The following GRM8 variants were observed in gnomAD, a reference collection of about 807,000 sequenced individuals.
GRM8 encodes the protein metabotropic glutamate receptor 8.
In GRM8, 47 loss-of-function variants were observed where a neutral mutation model predicts 87.2. That is an observed-to-expected ratio of 0.54 (90% CI 0.43 to 0.69). The LOEUF is 0.69. Ranked by LOEUF, GRM8 falls within the 30% of genes least tolerant of loss-of-function variation. GRM8 has a pLI of 0.00. For missense variants in GRM8, 1,019 were observed against 1,139.2 expected (o/e 0.89, Z 1.52); for synonymous variants, 396 against 404.5 (o/e 0.98, Z 0.25).
At chr7:126,574,538 T>G (rs1794949415) in intron 8 of GRM8, among the ~76,000 whole-genome samples, 1 of 152,196 alleles carries the variant, frequency 6.6e-6, no homozygotes, top group African/African-American at 2.4e-5. Context: ...TCCCACCTAT[T>G]ATACGGTCAG....
chr7:126,486,109 G>T (rs1489205651), intron 9 of GRM8, among the ~76,000 whole-genome samples: 1 of 151,844 alleles, frequency 6.6e-6, no homozygotes, highest in African/African-American at 2.4e-5. Context: ...CTGACCAGTT[G>T]AACCCCCCGT....
intron 3 of GRM8, among the ~76,000 whole-genome samples, chr7:126,951,361 G>A (rs1808135249): frequency 6.6e-6 from 1 of 151,982 alleles, no homozygotes; most frequent in South Asian, 2.1e-4. Context: ...ATACTGCCTT[G>A]GGTGCATCAT....
chr7:127,169,482 G>T (rs554162000), intron 2 of GRM8, among the ~76,000 whole-genome samples: 1 of 152,326 alleles, frequency 6.6e-6, no homozygotes, highest in African/African-American at 2.4e-5. Context: ...AGGGGAAGCA[G>T]CAAGGGCTGA....
chr7:127,055,493 G>T (rs548430543), intron 3 of GRM8, among the ~76,000 whole-genome samples: 2 of 152,236 alleles, frequency 1.3e-5, no homozygotes, highest in East Asian at 3.9e-4. Context: ...GTCACTAGTG[G>T]GAGCTTTGTC....
intron 2 of GRM8, among the ~76,000 whole-genome samples, chr7:127,152,318 C>A (rs1792437551): frequency 6.6e-6 from 1 of 151,922 alleles, no homozygotes; most frequent in Admixed American, 6.6e-5. Flanking sequence ...GCACTTGGCA[C>A]AATACAGAAA....
At chr7:126,829,624 A>G (rs1795160108) in intron 6 of GRM8, among the ~76,000 whole-genome samples, 1 of 151,916 alleles carries the variant, frequency 6.6e-6, no homozygotes, top group African/African-American at 2.4e-5. Context: ...TTTCCTGAAT[A>G]CAGCACACTG....
At chr7:127,097,720 T>C (rs1388931054) in intron 3 of GRM8, among the ~76,000 whole-genome samples, 1 of 152,188 alleles carries the variant, frequency 6.6e-6, no homozygotes. Flanking sequence ...AGGGCATCCA[T>C]TTTACAGACA....
At chr7:126,880,188 G>A (rs1186215738) in intron 6 of GRM8, among the ~76,000 whole-genome samples, 1 of 152,152 alleles carries the variant, frequency 6.6e-6, no homozygotes, top group Non-Finnish European at 1.5e-5. Context: ...ATTGGTGGAT[G>A]GAGCTCAATA....
chr7:126,532,898 AAAG>A (rs1815079524), intron 9 of GRM8, 51 bp downstream of exon 9: 1 of 1,038,472 alleles, frequency 9.6e-7, no homozygotes, highest in African/African-American at 1.6e-5. Context: ...AAGCATCCTA[AAAG>A]AAGATGTTAA....
intron 3 of GRM8, among the ~76,000 whole-genome samples, chr7:126,957,425 C>T (rs1808828870): frequency 6.6e-6 from 1 of 152,124 alleles, no homozygotes; most frequent in Admixed American, 6.5e-5. Flanking sequence ...TGCTTCTGGG[C>T]GCAGCTGCAG....
chr7:127,127,426 T>C (rs189252672), intron 2 of GRM8, among the ~76,000 whole-genome samples: 1 of 152,092 alleles, frequency 6.6e-6, no homozygotes, highest in East Asian at 1.9e-4. Flanking sequence ...AACTGTGGTG[T>C]AGCAATAAAA....
intron 2 of GRM8, among the ~76,000 whole-genome samples, chr7:127,209,348 C>T (rs967343684): frequency 6.6e-6 from 1 of 152,202 alleles, no homozygotes; most frequent in African/African-American, 2.4e-5. Flanking sequence ...AATACACTGT[C>T]CAGTATGAAA....
intron 3 of GRM8, among the ~76,000 whole-genome samples, chr7:127,042,168 T>C (rs1030935835): frequency 6.6e-6 from 1 of 152,294 alleles, no homozygotes; most frequent in East Asian, 1.9e-4. Flanking sequence ...AGCCTCAGCC[T>C]CAAAGATTCC....
chr7:126,875,266 G>A lies in GRM8; in HGVS notation c.1156+27276C>T, dbSNP rs529227736. ...TCTTTAAAAGGTATTACAACTGTAA[G>A]TAATCAAAGAAGGAAAAAAAAAAAC... On this transcript the variant is annotated intron_variant, in intron 6 of 10. Transcript: ENST00000339582. Among the ~76,000 whole-genome samples, 3 of 151,104 alleles carry A rather than the reference G, an allele frequency of 2.0e-5. No homozygotes were observed. In the South Asian group the frequency reaches 6.3e-4, roughly 32 times the overall value.
chr7:127,088,355 G>A (rs1823716299), intron 3 of GRM8, among the ~76,000 whole-genome samples: 1 of 152,192 alleles, frequency 6.6e-6, no homozygotes, highest in East Asian at 1.9e-4. Context: ...CAACACACTA[G>A]GGTTGGTGAA....
At chr7:127,157,951 C>G (rs1554603115) in intron 2 of GRM8, among the ~76,000 whole-genome samples, 60 of 152,138 alleles carry the variant, frequency 3.9e-4, no homozygotes, top group Non-Finnish European at 2.9e-5. Flanking sequence ...AAGAAGAAGG[C>G]TTTGCACCAA....
At chr7:126,880,879 C>T (rs1214777738) in intron 6 of GRM8, among the ~76,000 whole-genome samples, 3 of 152,116 alleles carry the variant, frequency 2.0e-5, no homozygotes, top group Non-Finnish European at 2.9e-5. Context: ...GGCTCAAAAA[C>T]CTATCACAAT....
intron 7 of GRM8, among the ~76,000 whole-genome samples, chr7:126,666,697 AG>A (rs1475174198): frequency 2.0e-5 from 3 of 152,166 alleles, no homozygotes; most frequent in Non-Finnish European, 4.4e-5. Context: ...TAAAAAAAAA[AG>A]AATAAGAACA....
chr7:127,166,275 TG>T (rs1793447444), intron 2 of GRM8, among the ~76,000 whole-genome samples: 2 of 152,174 alleles, frequency 1.3e-5, no homozygotes, highest in Admixed American at 1.3e-4. Flanking sequence ...TTCTCTCTGG[TG>T]ATTTTTTTTC....
Sources: gnomAD v4.1 joint callset for allele counts (sites outside exome capture counted in the v4.1 genomes callset) on GRCh38, gnomAD v4.1.1 for gene constraint, MANE v1.5 for transcripts, NCBI Gene and HGNC (gene_info 2026-07-23, HGNC 2026-07-21) for gene names.